BICD1: variants seen among roughly 807,000 people sequenced by gnomAD.
BICD1 encodes the protein BICD cargo adaptor 1, also known as protein bicaudal D homolog 1.
Under a neutral mutation model 92.5 loss-of-function variants are expected in BICD1, and 35 were observed. The ratio of observed to expected loss-of-function variants is 0.38; its 90% CI spans 0.29 to 0.50. The LOEUF is 0.50. Ranked by LOEUF, BICD1 falls within the 20% of genes least tolerant of loss-of-function variation. The probability of loss-of-function intolerance (pLI) is 0.93; values close to 1 mark genes in which losing one functional copy is unlikely to be tolerated. For synonymous variants in BICD1, 429 were observed against 465.1 expected (o/e 0.92, Z 1.00); for missense variants, 950 against 1,189.8 (o/e 0.80, Z 2.97).
intron 4 of BICD1, 104 bp from the exon 5 acceptor site, chr12:32,327,356 TC>T (rs1169246955): frequency 7.5e-7 from 1 of 1,327,856 alleles, no homozygotes; most frequent in Non-Finnish European, 1.0e-6. Flanking sequence ...GAACATTGGC[TC>T]TGCTGCAGTG....
At chr12:32,139,214 T>C (rs1046395827) in intron 1 of BICD1, among the ~76,000 whole-genome samples, 4 of 152,224 alleles carry the variant, frequency 2.6e-5, no homozygotes, top group African/African-American at 9.6e-5. Flanking sequence ...TTAGAAACTT[T>C]CAGTTCCCTT....
chr12:32,346,552 A>ACG (rs1348488310), intron 8 of BICD1, among the ~76,000 whole-genome samples: 5 of 28,260 alleles, frequency 1.8e-4, no homozygotes, highest in African/African-American at 1.3e-3. Flanking sequence ...ATATATATAT[A>ACG]TATATATATA....
chr12:32,268,524 G>A (rs1195232915), intron 2 of BICD1, among the ~76,000 whole-genome samples: 4 of 152,194 alleles, frequency 2.6e-5, no homozygotes, highest in Admixed American at 6.5e-5. Flanking sequence ...AGCTGGGCAC[G>A]GTCGCTCATG....
chr12:32,356,373 C>A (rs926806593), intron 8 of BICD1, among the ~76,000 whole-genome samples: 2 of 152,032 alleles, frequency 1.3e-5, no homozygotes, highest in African/African-American at 4.8e-5. Context: ...TAAAGAGGGC[C>A]AGGCGCGGTG....
chr12:32,157,827 T>C (rs531706749), intron 1 of BICD1, among the ~76,000 whole-genome samples: 149 of 152,292 alleles, frequency 9.8e-4, no homozygotes, highest in African/African-American at 3.6e-3. Flanking sequence ...GTGCTGATGG[T>C]TGGAGGTGGT....
chr12:32,122,488 CAA>C (rs11336919), intron 1 of BICD1, among the ~76,000 whole-genome samples: 95,833 of 140,308 alleles, frequency 0.68, 32,977 homozygotes, highest in Middle Eastern at 0.8. Context: ...GACTCCGTTT[CAA>C]AAAAAAAAAA....
chr12:32,225,775 C>G (rs185894867), intron 2 of BICD1, among the ~76,000 whole-genome samples: 2 of 151,932 alleles, frequency 1.3e-5, no homozygotes, highest in East Asian at 3.9e-4. Context: ...CACCTACAAC[C>G]ACACCCGGCT....
chr12:32,370,345 G>A (rs1449895989), intron 9 of BICD1, among the ~76,000 whole-genome samples: 4 of 148,294 alleles, frequency 2.7e-5, no homozygotes, highest in African/African-American at 5.0e-5. Flanking sequence ...ACAGCCTGGC[G>A]ACAGAGCAAA....
At chr12:32,226,832 T>C (rs1945711116) in intron 2 of BICD1, among the ~76,000 whole-genome samples, 1 of 152,236 alleles carries the variant, frequency 6.6e-6, no homozygotes. Flanking sequence ...CCTCCCCAGC[T>C]GCGGTGACCT....
chr12:32,107,585 C>G (rs200299375), intron 1 of BICD1, 41 bp downstream of exon 1: 1 of 1,538,136 alleles, frequency 6.5e-7, no homozygotes, highest in Admixed American at 2.0e-5. Context: ...GCCCTCACTC[C>G]CCCCACCCGC....
intron 1 of BICD1, among the ~76,000 whole-genome samples, chr12:32,199,805 A>G (rs1409468717): frequency 1.3e-5 from 2 of 152,078 alleles, no homozygotes; most frequent in Non-Finnish European, 2.9e-5. Flanking sequence ...GACCTCCAAT[A>G]AACTTGTTTG....
chr12:32,182,365 CT>C (rs1314160809), intron 1 of BICD1, among the ~76,000 whole-genome samples: 8 of 146,666 alleles, frequency 5.5e-5, no homozygotes, highest in African/African-American at 2.0e-4. Flanking sequence ...TCACTGCAAC[CT>C]CCACCTCCCG....
At chr12:32,166,294 C>G (rs142595744) in intron 1 of BICD1, among the ~76,000 whole-genome samples, 1,924 of 151,680 alleles carry the variant, frequency 0.013, 42 homozygotes, top group African/African-American at 0.044. Context: ...TGCCACCATG[C>G]CTGGCTAATT....
At chr12:32,146,680 A>T (rs569625028) in intron 1 of BICD1, among the ~76,000 whole-genome samples, 3 of 152,348 alleles carry the variant, frequency 2.0e-5, no homozygotes, top group African/African-American at 7.2e-5. Context: ...AAGGGCACGC[A>T]GTGACAGAGC....
At chr12:32,265,093 C>T (rs1323621356) in intron 2 of BICD1, among the ~76,000 whole-genome samples, 1 of 151,944 alleles carries the variant, frequency 6.6e-6, no homozygotes, top group African/African-American at 2.4e-5. Context: ...CTCCACGAGG[C>T]CTCTGGGGTC....
In BICD1 at chr12:32,327,546, A is replaced by G; in HGVS notation, c.1091A>G (p.Gln364Arg). The G allele has an allele frequency of 6.2e-7, 1 of 1,614,230 alleles. No individual in the cohort carries two copies. Among genetic ancestry groups the G allele is most frequent in the Non-Finnish European group, 8.5e-7 (1 of 1,180,038 alleles). ...CACACCAAGGGGGCACTGACGGAGC[A>G]GCATGAGCGGGTGCACCGGCTCACA... Reference protein sequence around the residue: ...LEHTKGALTEQHERVHRLTEH... With the variant: ...LEHTKGALTERHERVHRLTEH... Residue 364 changes from glutamine to arginine, a missense_variant, in exon 5 of 10, where the codon CAG becomes CGG. By Grantham distance (43) the Gln-to-Arg change is conservative. Transcript: ENST00000652176.
chr12:32,328,554 A>G lies in BICD1; in HGVS notation c.2099A>G (p.Gln700Arg). ...TLRAVLKANK[Q>R]TAEVALANLK... ...AGGGCGGTGTTGAAAGCCAACAAGC[A>G]GGTAATCTCATTCTACTGGTGAAAG... Residue 700 changes from glutamine (Q) to arginine (R), a missense_variant and splice_region_variant, in exon 5 of 10, where the codon CAG becomes CGG. Physicochemically the swap from Gln to Arg is conservative, Grantham distance 43 (BLOSUM62 1). This residue lies in a region of BICD1 where 309 missense variants were observed against 499.4 expected (regional missense o/e 0.62). Coordinates refer to ENST00000652176, the MANE Select transcript of BICD1 (RefSeq NM_001714.4). This position sits in a 1 kb window ranked among gnomAD's most constrained non-coding sequence, Gnocchi z 4.4. The G allele has an allele frequency of 6.2e-7, 1 of 1,608,218 alleles. No individual in the cohort carries two copies.
chr12:32,321,423 T>G (rs1948653136), intron 4 of BICD1, among the ~76,000 whole-genome samples: 1 of 152,198 alleles, frequency 6.6e-6, no homozygotes, highest in South Asian at 2.1e-4. Flanking sequence ...ATATGTTGTA[T>G]ACTTACACTA....
At position 32,379,287 on chromosome 12, in the gene BICD1, C is replaced by T. The variant is rs1940100958; in HGVS notation, c.*1660C>T. 6.6e-6 allele frequency: 1 copy of T among 152,204 alleles called. No individual in the cohort carries two copies. Among genetic ancestry groups the T allele is most frequent in the South Asian group, 2.1e-4 (1 of 4,824 alleles). 9.4% of individuals were successfully genotyped at this position (152,204 alleles called of 1,614,324 possible). A position where few individuals can be genotyped will look rare whatever the true frequency, so the allele number is the denominator to read the frequency against. ...AAATGGTAAGTCGTAAAGCACATTG[C>T]AGGAGCTTTCGTTAGTCATACGCCT... On this transcript the variant is annotated 3_prime_UTR_variant, in exon 10 of 10. Transcript: ENST00000652176.
Sources: gnomAD v4.1 joint callset for allele counts (sites outside exome capture counted in the v4.1 genomes callset) on GRCh38, gnomAD v4.1.1 for gene constraint, gnomAD v4.1.1 regional missense constraint, Gnocchi (gnomAD v3.1) non-coding constraint, MANE v1.5 for transcripts, NCBI Gene and HGNC (gene_info 2026-07-23, HGNC 2026-07-21) for gene names.